CDH18: variants seen among roughly 807,000 people sequenced by gnomAD.
The protein encoded by CDH18 is cadherin-18.
In CDH18, 31 loss-of-function variants were observed where a neutral mutation model predicts 67.9. The ratio of observed to expected loss-of-function variants is 0.46; its 90% CI spans 0.34 to 0.62. CDH18 has a LOEUF of 0.62. Ranked by LOEUF, CDH18 falls within the 20% of genes least tolerant of loss-of-function variation. The pLI is 0.01. For synonymous variants in CDH18, 362 were observed against 347.2 expected (o/e 1.04, Z -0.48); for missense variants, 890 against 975.5 (o/e 0.91, Z 1.17).
intron 2 of CDH18, among the ~76,000 whole-genome samples, chr5:19,863,557 T>C (rs1785130090): frequency 6.6e-6 from 1 of 152,174 alleles, no homozygotes; most frequent in South Asian, 2.1e-4. Context: ...CTCCTCCCCA[T>C]GACACCGTTA....
chr5:20,349,095 C>G (rs1740947639), intron 1 of CDH18, among the ~76,000 whole-genome samples: 1 of 151,968 alleles, frequency 6.6e-6, no homozygotes, highest in African/African-American at 2.4e-5. Context: ...AAAGTTGATA[C>G]TTTTATAGAC....
chr5:20,511,723 G>A (rs1413168253), intron 1 of CDH18, among the ~76,000 whole-genome samples: 1 of 152,094 alleles, frequency 6.6e-6, no homozygotes, highest in Non-Finnish European at 1.5e-5. Context: ...GAATAGAAGT[G>A]GTGATTGTGG....
intron 1 of CDH18, among the ~76,000 whole-genome samples, chr5:20,309,668 A>G (rs1017028916): frequency 2.0e-5 from 3 of 152,198 alleles, no homozygotes; most frequent in Non-Finnish European, 4.4e-5. Context: ...GACAGATTTT[A>G]GCGGAGCATA....
chr5:19,792,505 T>C (rs1217263879), intron 3 of CDH18, among the ~76,000 whole-genome samples: 3 of 152,136 alleles, frequency 2.0e-5, no homozygotes, highest in African/African-American at 7.2e-5. Flanking sequence ...GACTGCTCAG[T>C]CTCCGTAATC....
At chr5:20,489,547 C>T (rs1178691122) in intron 1 of CDH18, among the ~76,000 whole-genome samples, 2 of 151,842 alleles carry the variant, frequency 1.3e-5, no homozygotes, top group Non-Finnish European at 2.9e-5. Flanking sequence ...ATTATGTGAC[C>T]TGTTTATTAA....
chr5:19,510,812 A>ATTT (rs34739655), intron 10 of CDH18, among the ~76,000 whole-genome samples: 14 of 144,198 alleles, frequency 9.7e-5, no homozygotes, highest in South Asian at 2.2e-4. Flanking sequence ...AGGAGATCTG[A>ATTT]TTTTTTTTTT....
intron 2 of CDH18, among the ~76,000 whole-genome samples, chr5:20,224,151 C>T (rs529773472): frequency 6.6e-6 from 1 of 152,178 alleles, no homozygotes; most frequent in Admixed American, 6.5e-5. Context: ...CTTTCAGATT[C>T]TCTGAAATCT....
At chr5:19,805,259 A>T (rs1777916952) in intron 3 of CDH18, among the ~76,000 whole-genome samples, 1 of 152,066 alleles carries the variant, frequency 6.6e-6, no homozygotes, top group Non-Finnish European at 1.5e-5. Context: ...AAAATATATC[A>T]TTCTTATATT....
At chr5:19,802,295 C>T (rs543347263) in intron 3 of CDH18, among the ~76,000 whole-genome samples, 5 of 151,954 alleles carry the variant, frequency 3.3e-5, no homozygotes, top group African/African-American at 9.7e-5. Flanking sequence ...AAGCAATTAC[C>T]GAACAGACAA....
chr5:19,666,873 C>T (rs1242596172), intron 5 of CDH18, among the ~76,000 whole-genome samples: 2 of 151,898 alleles, frequency 1.3e-5, no homozygotes, highest in Non-Finnish European at 2.9e-5. Flanking sequence ...TTACCTGTGG[C>T]CTTGTCTAAG....
intron 1 of CDH18, among the ~76,000 whole-genome samples, chr5:20,532,893 C>A (rs1335472351): frequency 6.9e-6 from 1 of 144,818 alleles, no homozygotes; most frequent in East Asian, 2.0e-4. Flanking sequence ...TTCATAAACT[C>A]TTTTTTTTTT....
intron 4 of CDH18, among the ~76,000 whole-genome samples, chr5:19,726,082 AAGG>A (rs1389322071): frequency 2.6e-5 from 4 of 152,194 alleles, no homozygotes; most frequent in Admixed American, 1.3e-4. Context: ...TGCCACATGA[AAGG>A]AGGAGAGTTG....
At chr5:19,573,054 T>G (rs937583224) in intron 7 of CDH18, among the ~76,000 whole-genome samples, 1 of 152,210 alleles carries the variant, frequency 6.6e-6, no homozygotes, top group Non-Finnish European at 1.5e-5. Context: ...GATAAGCCAC[T>G]ACAATATTTT....
At chr5:19,668,518 C>T (rs986031557) in intron 5 of CDH18, among the ~76,000 whole-genome samples, 18 of 151,996 alleles carry the variant, frequency 1.2e-4, no homozygotes, top group Admixed American at 3.9e-4. Flanking sequence ...AGATAACTGT[C>T]TATCAAGCAT....
At chr5:20,205,447 C>T (rs1739807098) in intron 2 of CDH18, among the ~76,000 whole-genome samples, 1 of 151,800 alleles carries the variant, frequency 6.6e-6, no homozygotes, top group African/African-American at 2.4e-5. Context: ...GACTTCAACA[C>T]CCCACTGTCA....
At chr5:20,251,239 A>C (rs2126596207) in intron 2 of CDH18, among the ~76,000 whole-genome samples, 1 of 152,238 alleles carries the variant, frequency 6.6e-6, no homozygotes, top group South Asian at 2.1e-4. Flanking sequence ...AATAAATCAT[A>C]ATTTTTTAAT....
chr5:20,400,370 C>T (rs2150128250), intron 1 of CDH18, among the ~76,000 whole-genome samples: 1 of 152,134 alleles, frequency 6.6e-6, no homozygotes, highest in East Asian at 1.9e-4. Context: ...ACCCACTACT[C>T]AGAAGGCTCA....
intron 4 of CDH18, among the ~76,000 whole-genome samples, chr5:19,744,979 CT>C (rs1769787844): frequency 6.6e-6 from 1 of 152,180 alleles, no homozygotes; most frequent in African/African-American, 2.4e-5. Flanking sequence ...ATATTATTCA[CT>C]TCAAGAAAAA....
At chr5:19,969,549 A>G (rs1216691706) in intron 2 of CDH18, among the ~76,000 whole-genome samples, 2 of 150,482 alleles carry the variant, frequency 1.3e-5, no homozygotes, top group Admixed American at 6.6e-5. Context: ...TTGTAGGGAC[A>G]TGGATGAAAT....
Sources: allele counts gnomAD v4.1 joint callset (sites outside exome capture counted in the v4.1 genomes callset), GRCh38; gene constraint gnomAD v4.1.1; transcripts MANE v1.5; gene names NCBI Gene and HGNC (gene_info 2026-07-23, HGNC 2026-07-21).